AMOTL1: variants seen among roughly 807,000 people sequenced by gnomAD.
The protein encoded by AMOTL1 is angiomotin like 1, also known as angiomotin-like protein 1.
In AMOTL1, 45 loss-of-function variants were observed where a neutral mutation model predicts 102.9. The ratio of observed to expected loss-of-function variants is 0.44; its 90% CI spans 0.34 to 0.56. The LOEUF is 0.56. AMOTL1 is among the 20% of genes least tolerant of loss of function. The pLI, the probability that AMOTL1 is intolerant of heterozygous loss-of-function variation, is 0.01. For missense variants in AMOTL1, 1,114 were observed against 1,225.6 expected (o/e 0.91, Z 1.36); for synonymous variants, 481 against 484.7 (o/e 0.99, Z 0.10).
At chr11:94,707,206 T>C (rs1949942047) in intron 1 of AMOTL1, among the ~76,000 whole-genome samples, 1 of 148,638 alleles carries the variant, frequency 6.7e-6, no homozygotes, top group Non-Finnish European at 1.5e-5. Context: ...CAAGAAAATA[T>C]ACATGAGGTC....
chr11:94,714,099 A>T (rs1950058879), intron 1 of AMOTL1, among the ~76,000 whole-genome samples: 1 of 151,954 alleles, frequency 6.6e-6, no homozygotes, highest in Non-Finnish European at 1.5e-5. Context: ...ATCTTGAATG[A>T]GTGTTTGCTT....
intron 1 of AMOTL1, among the ~76,000 whole-genome samples, chr11:94,710,195 G>A (rs769951036): frequency 2.0e-5 from 3 of 152,150 alleles, no homozygotes; most frequent in Non-Finnish European, 4.4e-5. Context: ...GTAGAGCAGA[G>A]ACAATATGAA....
chr11:94,736,536 G>A (rs1323740359), intron 2 of AMOTL1, among the ~76,000 whole-genome samples: 1 of 152,144 alleles, frequency 6.6e-6, no homozygotes, highest in Non-Finnish European at 1.5e-5. Context: ...ACAGGCATGA[G>A]CCACCATTCC....
intron 1 of AMOTL1, among the ~76,000 whole-genome samples, chr11:94,711,928 A>C (rs1278437731): frequency 6.6e-6 from 1 of 152,106 alleles, no homozygotes; most frequent in African/African-American, 2.4e-5. Flanking sequence ...TTTTGCATGA[A>C]CATAAATTTT....
At chr11:94,828,755 C>A (rs908666562) in intron 4 of AMOTL1, among the ~76,000 whole-genome samples, 1 of 152,146 alleles carries the variant, frequency 6.6e-6, no homozygotes, top group Admixed American at 6.5e-5. Flanking sequence ...CTGATCTGGG[C>A]AGTTGGGGCT....
intron 1 of AMOTL1, among the ~76,000 whole-genome samples, chr11:94,713,279 G>A (rs1468677167): frequency 6.6e-6 from 1 of 151,736 alleles, no homozygotes; most frequent in Non-Finnish European, 1.5e-5. Flanking sequence ...TAAGTTGCAT[G>A]GTAGCTTTAT....
intron 1 of AMOTL1, among the ~76,000 whole-genome samples, chr11:94,711,345 T>A (rs377161010): frequency 2.4e-4 from 36 of 152,288 alleles, no homozygotes; most frequent in African/African-American, 8.4e-4. Flanking sequence ...AGTGCCCCCC[T>A]TCACCCAGCC....
intron 8 of AMOTL1, 66 bp from the exon 9 acceptor site, chr11:94,859,459 A>G (rs1952730717): frequency 1.4e-6 from 2 of 1,466,862 alleles, no homozygotes; most frequent in Non-Finnish European, 1.8e-6. Context: ...TGTGTTCTGT[A>G]TGGGCAGTTG....
At chr11:94,729,660 T>A (rs1333385482) in intron 2 of AMOTL1, among the ~76,000 whole-genome samples, 2 of 152,134 alleles carry the variant, frequency 1.3e-5, no homozygotes, top group African/African-American at 4.8e-5. Context: ...CCCTCCTCCA[T>A]CCCTCAAATC....
At chr11:94,762,412 G>A (rs1300688287) in intron 3 of AMOTL1, among the ~76,000 whole-genome samples, 2 of 152,210 alleles carry the variant, frequency 1.3e-5, no homozygotes, top group Non-Finnish European at 2.9e-5. Context: ...TGAAGGTAGA[G>A]GGGGTGGTTG....
chr11:94,757,953 T>C (rs1280521169), intron 3 of AMOTL1, among the ~76,000 whole-genome samples: 1 of 152,112 alleles, frequency 6.6e-6, no homozygotes, highest in African/African-American at 2.4e-5. Context: ...TCCCAGCTAC[T>C]TGGAAGGATA....
At chr11:94,865,567 A>G (rs1325292930) in intron 10 of AMOTL1, among the ~76,000 whole-genome samples, 1 of 152,120 alleles carries the variant, frequency 6.6e-6, no homozygotes, top group Admixed American at 6.5e-5. Context: ...CTTTAGCTGA[A>G]AGCTCACCCT....
chr11:94,759,073 A>G (rs1386839269), intron 3 of AMOTL1, among the ~76,000 whole-genome samples: 1 of 152,228 alleles, frequency 6.6e-6, no homozygotes, highest in Admixed American at 6.5e-5. Context: ...TTTGAAAATG[A>G]CTTAAAATGT....
chr11:94,709,942 C>A (rs777851490), intron 1 of AMOTL1, among the ~76,000 whole-genome samples: 5 of 152,142 alleles, frequency 3.3e-5, no homozygotes, highest in Non-Finnish European at 5.9e-5. Context: ...TGGCCTTATA[C>A]CACTAACTCA....
intron 1 of AMOTL1, among the ~76,000 whole-genome samples, chr11:94,720,210 T>A (rs1301611338): frequency 1.3e-5 from 2 of 151,976 alleles, no homozygotes; most frequent in Non-Finnish European, 2.9e-5. Context: ...CTCAAATATA[T>A]ATGAAAATAT....
chr11:94,840,681 T>TATATATATATATACACACACAC (rs1166713705), intron 6 of AMOTL1, among the ~76,000 whole-genome samples: 1 of 104,810 alleles, frequency 9.5e-6, no homozygotes, highest in African/African-American at 4.0e-5. Flanking sequence ...TATATATATA[T>TATATATATATATACACACACAC]ACACACACAC....
intron 8 of AMOTL1, among the ~76,000 whole-genome samples, chr11:94,855,065 A>C: frequency 6.6e-6 from 1 of 152,204 alleles, no homozygotes; most frequent in East Asian, 1.9e-4. Context: ...CATGATGAGC[A>C]GAGGCCTTTA....
At chr11:94,816,189 C>G (rs375729133) in intron 3 of AMOTL1, among the ~76,000 whole-genome samples, 2 of 152,064 alleles carry the variant, frequency 1.3e-5, no homozygotes, top group East Asian at 3.9e-4. Context: ...CTTTTAAAAG[C>G]CCCGAAATAG....
chr11:94,751,510 T>G (rs1161093267), intron 3 of AMOTL1, among the ~76,000 whole-genome samples: 4 of 152,094 alleles, frequency 2.6e-5, no homozygotes, highest in Non-Finnish European at 2.9e-5. Flanking sequence ...AAAAGGACGA[T>G]TCAGGGCAGG....
Sources: allele counts gnomAD v4.1 joint callset (sites outside exome capture counted in the v4.1 genomes callset), GRCh38; gene constraint gnomAD v4.1.1; transcripts MANE v1.5; gene names NCBI Gene and HGNC (gene_info 2026-07-23, HGNC 2026-07-21).